Variants in NAV2 observed in about 807,000 individuals in gnomAD.
NAV2 encodes the protein neuron navigator 2, also known as helicase, APC down-regulated 1.
In NAV2, 54 loss-of-function variants were observed where a neutral mutation model predicts 223.2. The observed-to-expected ratio is 0.24, with a 90% CI of 0.19 to 0.30. NAV2 has a LOEUF of 0.30. NAV2 is among the 10% of genes least tolerant of loss of function. The probability of loss-of-function intolerance (pLI) is 1.00; values close to 1 mark genes in which losing one functional copy is unlikely to be tolerated. For missense variants in NAV2, 2,806 were observed against 3,147.5 expected, an observed-to-expected ratio of 0.89 and a Z score of 2.60; for synonymous variants, 1,279 against 1,239.3, an observed-to-expected ratio of 1.03 and a Z score of -0.67.
intron 30 of NAV2, among the ~76,000 whole-genome samples, chr11:20,097,149 T>A (rs1297035031): frequency 6.6e-6 from 1 of 152,230 alleles, no homozygotes; most frequent in Non-Finnish European, 1.5e-5. Flanking sequence ...TGCATTTTAA[T>A]CTCTTTGTAT....
At chr11:19,424,294 G>C (rs1814943982) in intron 1 of NAV2, among the ~76,000 whole-genome samples, 1 of 152,166 alleles carries the variant, frequency 6.6e-6, no homozygotes, top group South Asian at 2.1e-4. Flanking sequence ...AAGATTACTA[G>C]TTCTCTAAGT....
intron 1 of NAV2, among the ~76,000 whole-genome samples, chr11:19,492,862 G>T (rs1321808220): frequency 6.6e-6 from 1 of 152,132 alleles, no homozygotes; most frequent in African/African-American, 2.4e-5. Context: ...ACCGAGGGAG[G>T]AGAGGTTAGA....
At chr11:19,770,200 G>A (rs1037952835) in intron 1 of NAV2, among the ~76,000 whole-genome samples, 5 of 152,106 alleles carry the variant, frequency 3.3e-5, no homozygotes, top group African/African-American at 1.2e-4. Context: ...TTCAACAATA[G>A]CTATCCATAT....
chr11:19,406,339 A>G (rs1849894578), intron 1 of NAV2, among the ~76,000 whole-genome samples: 1 of 152,138 alleles, frequency 6.6e-6, no homozygotes, highest in Admixed American at 6.5e-5. Flanking sequence ...GGTCCTGTCT[A>G]ATAGGACGTG....
intron 1 of NAV2, among the ~76,000 whole-genome samples, chr11:19,787,095 A>T (rs561026728): frequency 6.6e-6 from 1 of 151,764 alleles, no homozygotes; most frequent in Admixed American, 6.6e-5. Flanking sequence ...CTGCATTTTT[A>T]TTTTATTTTT....
At chr11:19,792,807 G>A (rs984917736) in intron 1 of NAV2, among the ~76,000 whole-genome samples, 1 of 152,000 alleles carries the variant, frequency 6.6e-6, no homozygotes, top group Non-Finnish European at 1.5e-5. Flanking sequence ...TTCTGGGGGA[G>A]GTTTTAGGTG....
chr11:19,683,211 T>C (rs960091083), intron 1 of NAV2, among the ~76,000 whole-genome samples: 3 of 152,212 alleles, frequency 2.0e-5, no homozygotes, highest in Non-Finnish European at 4.4e-5. Flanking sequence ...AGTGGCCTTC[T>C]TCTGGGACAC....
intron 1 of NAV2, among the ~76,000 whole-genome samples, chr11:19,715,776 G>T (rs570653860): frequency 6.6e-6 from 1 of 152,240 alleles, no homozygotes; most frequent in Admixed American, 6.5e-5. Flanking sequence ...TTTTGCCCTT[G>T]GTCCATAATC....
At chr11:19,905,606 C>T (rs2042803955) in intron 6 of NAV2, among the ~76,000 whole-genome samples, 1 of 152,172 alleles carries the variant, frequency 6.6e-6, no homozygotes, top group African/African-American at 2.4e-5. Flanking sequence ...GAGGCTCTGA[C>T]CTTCAGTAAT....
intron 1 of NAV2, among the ~76,000 whole-genome samples, chr11:19,499,585 T>A (rs1379411138): frequency 6.6e-6 from 1 of 152,248 alleles, no homozygotes; most frequent in Non-Finnish European, 1.5e-5. Context: ...GTTGTATCTC[T>A]GTATCTTGAA....
intron 1 of NAV2, among the ~76,000 whole-genome samples, chr11:19,627,564 G>A (rs2047206435): frequency 6.6e-6 from 1 of 152,132 alleles, no homozygotes; most frequent in African/African-American, 2.4e-5. Flanking sequence ...TTTGTGTAAA[G>A]TCTAGTGTGC....
intron 22 of NAV2, among the ~76,000 whole-genome samples, chr11:20,075,544 C>T (rs2059684671): frequency 6.6e-6 from 1 of 152,016 alleles, no homozygotes; most frequent in African/African-American, 2.4e-5. Context: ...CCTGGCCTGT[C>T]TCCATTTTTA....
At chr11:19,645,986 A>G (rs1348833534) in intron 1 of NAV2, among the ~76,000 whole-genome samples, 1 of 152,224 alleles carries the variant, frequency 6.6e-6, no homozygotes, top group Admixed American at 6.5e-5. Flanking sequence ...GAACCTGGGT[A>G]GCTTCTCTCA....
chr11:19,974,785 T>C (rs1286440755), intron 10 of NAV2, among the ~76,000 whole-genome samples: 1 of 152,150 alleles, frequency 6.6e-6, no homozygotes, highest in East Asian at 1.9e-4. Context: ...TACATAATAA[T>C]AGAGCAAAGT....
chr11:19,914,124 G>C (rs11025324), intron 6 of NAV2, among the ~76,000 whole-genome samples: 20,224 of 152,178 alleles, frequency 0.13, 1,765 homozygotes, highest in East Asian at 0.42. Context: ...ACAGGAATTG[G>C]CAAACACTAT....
chr11:19,442,018 A>G (rs1461678755), intron 1 of NAV2, among the ~76,000 whole-genome samples: 1 of 152,172 alleles, frequency 6.6e-6, no homozygotes, highest in African/African-American at 2.4e-5. Flanking sequence ...CATCATCTCA[A>G]TCCTCCTCCT....
intron 1 of NAV2, among the ~76,000 whole-genome samples, chr11:19,489,678 A>T (rs1320561362): frequency 6.6e-6 from 1 of 152,238 alleles, no homozygotes; most frequent in Non-Finnish European, 1.5e-5. Flanking sequence ...TCACTGTAAG[A>T]TCAGAGATGA....
At chr11:19,369,205 A>G (rs1848389674) in intron 1 of NAV2, among the ~76,000 whole-genome samples, 1 of 152,210 alleles carries the variant, frequency 6.6e-6, no homozygotes, top group Admixed American at 6.5e-5. Flanking sequence ...TTTTTGAGCA[A>G]ACTTAACAGA....
chr11:20,082,239 C>A (rs1323911478), intron 25 of NAV2, among the ~76,000 whole-genome samples: 2 of 152,182 alleles, frequency 1.3e-5, no homozygotes, highest in African/African-American at 4.8e-5. Context: ...ACATCCTCTC[C>A]AACCTCCCCC....
Sources: gnomAD v4.1 joint callset for allele counts (sites outside exome capture counted in the v4.1 genomes callset) on GRCh38, gnomAD v4.1.1 for gene constraint, MANE v1.5 for transcripts, NCBI Gene and HGNC (gene_info 2026-07-23, HGNC 2026-07-21) for gene names.